The following SAMD12 variants were observed in gnomAD, a reference collection of about 807,000 sequenced individuals.
SAMD12 encodes sterile alpha motif domain containing 12.
A neutral mutation model predicts 15.0 loss-of-function variants in SAMD12; 9 were observed. The observed-to-expected ratio is 0.60, with a 90% CI of 0.36 to 1.05. The LOEUF is 1.05. Among genes scored for constraint, SAMD12 ranks in the 50% least tolerant of loss-of-function variants. The pLI is 0.01. For missense variants in SAMD12, 230 were observed against 234.2 expected, an observed-to-expected ratio of 0.98 and a Z score of 0.12; for synonymous variants, 86 against 90.1, an observed-to-expected ratio of 0.96 and a Z score of 0.25.
At chr8:118,345,980 C>G (rs569112248) in intron 4 of SAMD12, among the ~76,000 whole-genome samples, 8 of 152,154 alleles carry the variant, frequency 5.3e-5, no homozygotes, top group Non-Finnish European at 8.8e-5. Flanking sequence ...GGCTAACCAC[C>G]GTCTCCATTT....
intron 2 of SAMD12, among the ~76,000 whole-genome samples, chr8:118,450,577 C>A (rs527265945): frequency 6.6e-6 from 1 of 152,234 alleles, no homozygotes; most frequent in Admixed American, 6.5e-5. Context: ...CAAAAACGAA[C>A]CATAAAAATT....
chr8:118,365,226 C>A (rs1215845846), intron 4 of SAMD12, among the ~76,000 whole-genome samples: 1 of 152,190 alleles, frequency 6.6e-6, no homozygotes, highest in Non-Finnish European at 1.5e-5. Flanking sequence ...CTGGAACACA[C>A]CAAACTTCTT....
rs537829820 is a variant in SAMD12 at position 118,321,321 on chromosome 8, A to C, written c.433+58239T>G. Among the ~76,000 whole-genome samples the C allele has an allele frequency of 2.9e-5, 3 of 103,030 alleles. No homozygotes were observed. The South Asian group carries it at 1.0e-3, about 35-fold the overall frequency. 67.6% of individuals were successfully genotyped at this position (103,030 alleles called of 152,430 possible). On this transcript the variant is annotated intron_variant, in intron 4 of 4. Coordinates refer to the SAMD12 transcript ENST00000409003. ...TTTTTTTTTTTTTTGGTTTTTTTTTAAAGAAAAGTAGGCTTGGCACAGTAG... is the reference window on the plus strand; with the variant it reads ...TTTTTTTTTTTTTTGGTTTTTTTTTCAAGAAAAGTAGGCTTGGCACAGTAG...
chr8:118,263,321 G>A (rs936223271), intron 4 of SAMD12, among the ~76,000 whole-genome samples: 4 of 152,092 alleles, frequency 2.6e-5, no homozygotes, highest in Non-Finnish European at 5.9e-5. Flanking sequence ...AGAAGGTAGA[G>A]AAAGATGAGA....
chr8:118,499,183 AT>A (rs1824709265), intron 2 of SAMD12, among the ~76,000 whole-genome samples: 1 of 152,196 alleles, frequency 6.6e-6, no homozygotes, highest in African/African-American at 2.4e-5. Flanking sequence ...GGCTTCCATA[AT>A]GAACACAAAT....
At chr8:118,228,489 C>A (rs956355782) in intron 4 of SAMD12, among the ~76,000 whole-genome samples, 2 of 151,992 alleles carry the variant, frequency 1.3e-5, no homozygotes, top group Middle Eastern at 3.2e-3. Flanking sequence ...CATGAATAGA[C>A]AATTCTCAAA....
chr8:118,568,698 C>T (rs913686872), intron 2 of SAMD12, among the ~76,000 whole-genome samples: 5 of 152,142 alleles, frequency 3.3e-5, no homozygotes, highest in African/African-American at 7.2e-5. Flanking sequence ...AGCAAGATGG[C>T]AAGTCCAGGA....
intron 2 of SAMD12, among the ~76,000 whole-genome samples, chr8:118,562,585 G>C (rs78080212): frequency 6.6e-6 from 1 of 151,902 alleles, no homozygotes; most frequent in African/African-American, 2.4e-5. Context: ...GACAAAGAAC[G>C]AGCACCAAAA....
At chr8:118,240,812 T>C (rs1233721765) in intron 4 of SAMD12, among the ~76,000 whole-genome samples, 5 of 152,132 alleles carry the variant, frequency 3.3e-5, no homozygotes, top group Non-Finnish European at 7.4e-5. Context: ...TTGCTTGAGA[T>C]TGCCCGTGGT....
chr8:118,468,553 G>C (rs1823662918), intron 2 of SAMD12, among the ~76,000 whole-genome samples: 1 of 152,078 alleles, frequency 6.6e-6, no homozygotes, highest in Non-Finnish European at 1.5e-5. Flanking sequence ...TTTTCAGTGA[G>C]CTGGGAGTTG....
the SAMD12 span, among the ~76,000 whole-genome samples, chr8:118,150,498 G>A: frequency 4.0e-5 from 6 of 151,714 alleles, no homozygotes; most frequent in South Asian, 2.1e-4. Context: ...CTCTCACCTC[G>A]GCCTCCCGAG....
At chr8:118,213,009 T>C (rs1190883841) in intron 4 of SAMD12, among the ~76,000 whole-genome samples, 1 of 152,182 alleles carries the variant, frequency 6.6e-6, no homozygotes, top group Non-Finnish European at 1.5e-5. Context: ...AGAATGAGAA[T>C]ACGATGAAGC....
chr8:118,621,725 C>A (rs1586865526), intron 1 of SAMD12, 79 bp downstream of exon 1: 2 of 1,532,706 alleles, frequency 1.3e-6, no homozygotes, highest in Non-Finnish European at 1.8e-6. Context: ...TCCCCACGAT[C>A]GCCAAGCTTC....
intron 4 of SAMD12, among the ~76,000 whole-genome samples, chr8:118,358,326 C>A (rs2130626693): frequency 6.6e-6 from 1 of 152,260 alleles, no homozygotes; most frequent in South Asian, 2.1e-4. Context: ...GTATTTTATA[C>A]TTTTCCTTTA....
At chr8:118,534,244 T>G (rs1336660006) in intron 2 of SAMD12, among the ~76,000 whole-genome samples, 2 of 152,188 alleles carry the variant, frequency 1.3e-5, no homozygotes, top group Non-Finnish European at 1.5e-5. Context: ...TGCAAATTCT[T>G]TTCTTTAAGA....
chr8:118,478,096 C>A (rs1217937314), intron 2 of SAMD12, among the ~76,000 whole-genome samples: 3 of 151,744 alleles, frequency 2.0e-5, no homozygotes, highest in African/African-American at 7.2e-5. Context: ...AATATGCCTT[C>A]ATTTATATTC....
intron 3 of SAMD12, among the ~76,000 whole-genome samples, chr8:118,405,951 C>CT (rs894759041): frequency 4.0e-5 from 6 of 151,820 alleles, no homozygotes; most frequent in South Asian, 2.1e-4. Flanking sequence ...ATATTGTTTA[C>CT]TTTTTTTTGG....
intron 2 of SAMD12, among the ~76,000 whole-genome samples, chr8:118,521,720 A>C (rs1374230566): frequency 6.6e-6 from 1 of 152,158 alleles, no homozygotes; most frequent in East Asian, 1.9e-4. Context: ...TAATGGTAAT[A>C]ATTATGCTAA....
At chr8:118,154,163 T>C in the SAMD12 span, among the ~76,000 whole-genome samples, 631 of 70,858 alleles carry the variant, frequency 8.9e-3, 5 homozygotes, top group Middle Eastern at 0.025. Flanking sequence ...CACACACACA[T>C]ACACACACAT....
Sources: allele counts gnomAD v4.1 joint callset (sites outside exome capture counted in the v4.1 genomes callset), GRCh38; gene constraint gnomAD v4.1.1; transcripts MANE v1.5; gene names NCBI Gene and HGNC (gene_info 2026-07-23, HGNC 2026-07-21).